FAM78A: variants seen among roughly 807,000 people sequenced by gnomAD.
FAM78A encodes the protein family with sequence similarity 78 member A, also known as protein FAM78A.
Under a neutral mutation model 22.6 loss-of-function variants are expected in FAM78A, and 12 were observed. The observed-to-expected ratio is 0.53, with a 90% confidence interval of 0.34 to 0.86. The LOEUF (loss-of-function observed/expected upper bound fraction) is 0.86, where lower values mean the gene tolerates loss of function less well. FAM78A is among the 40% of genes least tolerant of loss of function. The probability of loss-of-function intolerance (pLI) is 0.02; values close to 1 mark genes in which losing one functional copy is unlikely to be tolerated. For missense variants in FAM78A, 322 were observed against 396.1 expected, an observed-to-expected ratio of 0.81 and a Z score of 1.59; for synonymous variants, 151 against 155.8, an observed-to-expected ratio of 0.97 and a Z score of 0.23.
rs1835223656 is a variant in FAM78A, at chr9:131,258,936, C to CA, written c.*1885_*1886insT. The CA allele has an allele frequency of 6.6e-6, 1 of 152,582 alleles. No homozygotes were observed. The highest frequency in any genetic ancestry group is 1.5e-5 in the Non-Finnish European group (1 of 68,070). The allele number at this position is 152,582 out of a possible 1,614,324, so 9.5% of individuals were successfully genotyped here. ...AGCCCAGTGTGTCCCAGGACAGCCT[C>CA]CTGGCACGAGCTGGGCCCGGAGACC... On this transcript the variant is annotated 3_prime_UTR_variant, in exon 2 of 2. Coordinates refer to ENST00000372271, the MANE Select transcript of FAM78A (RefSeq NM_033387.4).
chr9:131,258,575 C>T lies in FAM78A; in HGVS notation c.*2247G>A, dbSNP rs1835219017. The T allele has an allele frequency of 1.3e-5, 2 of 152,154 alleles. No individual in the cohort carries two copies. The highest frequency in any genetic ancestry group is 4.1e-4 in the South Asian group (2 of 4,832). The allele number at this position is 152,154 out of a possible 1,614,324, so 9.4% of individuals were successfully genotyped here. A position where few individuals can be genotyped will look rare whatever the true frequency, so the allele number is the denominator to read the frequency against. On this transcript the variant is annotated 3_prime_UTR_variant, in exon 2 of 2. Transcript: ENST00000372271. ...AAATGCGGGTTCGGGGGTCCTTCAC[C>T]CCCTAGCAGCTCAGGAAGCCCCTTT...
At chr9:131,279,548 G>T (rs946530469), upstream of FAM78A, among the ~76,000 whole-genome samples, 1 of 152,222 alleles carries the variant, frequency 6.6e-6, no homozygotes, top group Non-Finnish European at 1.5e-5. Flanking sequence ...ACAAGTTCAA[G>T]TGCTCAATGA....
At chr9:131,270,772 T>A (rs1463211445) in intron 1 of FAM78A, among the ~76,000 whole-genome samples, 1 of 152,164 alleles carries the variant, frequency 6.6e-6, no homozygotes. Flanking sequence ...CATTCCTCCA[T>A]GGCCTGTCCC....
At chr9:131,273,261 C>CG (rs1835441336) in intron 1 of FAM78A, among the ~76,000 whole-genome samples, 1 of 152,214 alleles carries the variant, frequency 6.6e-6, no homozygotes, top group Non-Finnish European at 1.5e-5. Context: ...AACGGAACCC[C>CG]GGGGGCTGCC....
rs1242606266 is a variant in FAM78A, at chr9:131,272,580, G to A, written c.323+3277C>T. On this transcript the variant is annotated intron_variant, in intron 1 of 1. Transcript: ENST00000372271. The surrounding 1 kb of genome is among the most constrained non-coding windows in gnomAD (Gnocchi z 4.1). ...GTTCCCTTTCCTTTTCATGCCACAA[G>A]GCTTAAAAACTTGGAAAATGGAAGT... 6.6e-6 allele frequency among the ~76,000 whole-genome samples: 1 copy of A among 152,200 alleles called. No homozygotes were observed. Among genetic ancestry groups the A allele is most frequent in the Non-Finnish European group, 1.5e-5 (1 of 68,032 alleles).
Position 131,275,777 on chromosome 9 carries a change from C to T in FAM78A, c.323+80G>A. The stretch of plus-strand genomic sequence containing the variant: ...TGTCTTCATGGTATCTCCACCTTCC[C>T]CCTATCCGCGGCCCCCCACCAGGCC... On this transcript the variant is annotated intron_variant, in intron 1 of 1. Coordinates refer to ENST00000372271, the MANE Select transcript of FAM78A (RefSeq NM_033387.4). The surrounding 1 kb of genome is among the most constrained non-coding windows in gnomAD (Gnocchi z 4.6). 7.0e-7 allele frequency: 1 copy of T among 1,430,886 alleles called. No homozygotes were observed. Among genetic ancestry groups the T allele is most frequent in the Non-Finnish European group, 9.4e-7 (1 of 1,063,294 alleles). 88.6% of individuals were successfully genotyped at this position (1,430,886 alleles called of 1,614,324 possible). A position where few individuals can be genotyped will look rare whatever the true frequency, so the allele number is the denominator to read the frequency against.
chr9:131,261,056 C>T lies in FAM78A; in HGVS notation c.618G>A (p.Leu206=). 1 of 1,614,150 alleles carries T rather than the reference C, an allele frequency of 6.2e-7. No individual in the cohort carries two copies. ...GCTGCATGCGCCAGTGCAGCGTCTG[C>T]AGGATGATCATGTCGTTGGTGGAGG... The part of the protein sequence containing the change: ...TNTSTNDMII[L]QTLHWRMQLS... The change falls in exon 2 of 2, where the codon CTG becomes CTA. Residue 206 remains leucine (L), a synonymous_variant. Transcript: ENST00000372271. This position sits in a 1 kb window ranked among gnomAD's most constrained non-coding sequence, Gnocchi z 7.1.
At position 131,261,188 on chromosome 9, in the gene FAM78A, A is replaced by G. The variant is rs17854585; in HGVS notation, c.486T>C (p.Phe162=). 1.2e-6 allele frequency: 2 copies of G among 1,613,506 alleles called. No individual in the cohort carries two copies. Among genetic ancestry groups the G allele is most frequent in the South Asian group, 2.2e-5 (2 of 91,068 alleles). The change falls in exon 2 of 2, where the codon TTT becomes TTC. Residue 162 remains phenylalanine (F), a synonymous_variant. Transcript: ENST00000372271. The surrounding 1 kb of genome is among the most constrained non-coding windows in gnomAD (Gnocchi z 7.1). ...SKFIISMNDN[F]YPSVTWAVPV... ...GCACGGCCCATGTGACGCTGGGGTA[A>G]AAGTTGTCATTCATGCTGATGATGA...
Position 131,258,932 on chromosome 9 carries a change from GC to G in FAM78A, c.*1889del, listed in dbSNP as rs1835223567. 6.6e-6 allele frequency: 1 copy of G among 152,532 alleles called. No individual in the cohort carries two copies. Among genetic ancestry groups the G allele is most frequent in the East Asian group, 1.9e-4 (1 of 5,200 alleles). 9.4% of individuals were successfully genotyped at this position (152,532 alleles called of 1,614,324 possible). On this transcript the variant is annotated 3_prime_UTR_variant, in exon 2 of 2. Transcript: ENST00000372271. ...CTCCAGCCCAGTGTGTCCCAGGACA[GC>G]CTCCTGGCACGAGCTGGGCCCGGAG...
Position 131,260,745 on chromosome 9 carries a change from G to T in FAM78A, c.*77C>A. 3 of 1,469,182 alleles carry T rather than the reference G, an allele frequency of 2.0e-6. No homozygotes were observed. In the South Asian group the frequency reaches 4.1e-5, roughly 20 times the overall value. 91.0% of individuals were successfully genotyped at this position (1,469,182 alleles called of 1,614,324 possible). A position where few individuals can be genotyped will look rare whatever the true frequency, so the allele number is the denominator to read the frequency against. On this transcript the variant is annotated 3_prime_UTR_variant, in exon 2 of 2. Transcript: ENST00000372271. This position sits in a 1 kb window ranked among gnomAD's most constrained non-coding sequence, Gnocchi z 5.4. ...GTAGAATGGTTGTATCTTGCTGAAT[G>T]ACTGAAGAGTGAGTCTGAGTTTTGT...
At position 131,275,938 on chromosome 9, in the gene FAM78A, G is replaced by C; in HGVS notation, c.242C>G (p.Pro81Arg). ...GCCAACTACCCAAGTCTCCTTCTTG[G>C]GGATGGGCGGCATGACCACCTGGGC... ...ASAQVVMPPI[P>R]KKETWVVGWI... The change falls in exon 1 of 2, where the codon CCC becomes CGC. Residue 81 changes from proline (P) to arginine (R), a missense_variant. By Grantham distance (103) the Pro-to-Arg change is moderately radical. Coordinates refer to ENST00000372271, the MANE Select transcript of FAM78A (RefSeq NM_033387.4). The surrounding 1 kb of genome is among the most constrained non-coding windows in gnomAD (Gnocchi z 4.6). 1 of 1,613,460 alleles carries C rather than the reference G, an allele frequency of 6.2e-7. No homozygotes were observed. The highest frequency in any genetic ancestry group is 8.5e-7 in the Non-Finnish European group (1 of 1,179,984).
At position 131,276,291 on chromosome 9, in the gene FAM78A, A is replaced by C. The variant is rs978839191; in HGVS notation, c.-112T>G. 1 of 809,234 alleles carries C rather than the reference A, an allele frequency of 1.2e-6. No individual in the cohort carries two copies. Among genetic ancestry groups the C allele is most frequent in the Admixed American group, 2.9e-5 (1 of 34,454 alleles). The allele number at this position is 809,234 out of a possible 1,614,324, so 50.1% of individuals were successfully genotyped here. A position where few individuals can be genotyped will look rare whatever the true frequency, so the allele number is the denominator to read the frequency against. The stretch of plus-strand genomic sequence containing the variant: ...CTCACTGAGTAGACTGGGGTTGCAT[A>C]TATCACTACCGCGGCCTGTTTATAA... On this transcript the variant is annotated 5_prime_UTR_variant, in exon 1 of 2. Transcript: ENST00000372271. The surrounding 1 kb of genome is among the most constrained non-coding windows in gnomAD (Gnocchi z 4.3).
Position 131,258,942 on chromosome 9 carries a change from A to ACTCACTC in FAM78A, c.*1879_*1880insGAGTGAG, listed in dbSNP as rs1835223818. ...GTGTGTCCCAGGACAGCCTCCTGGC[A>ACTCACTC]CGAGCTGGGCCCGGAGACCGACGGC... On this transcript the variant is annotated 3_prime_UTR_variant, in exon 2 of 2. Transcript: ENST00000372271. 6.6e-6 allele frequency: 1 copy of ACTCACTC among 152,514 alleles called. No individual in the cohort carries two copies. Among genetic ancestry groups the ACTCACTC allele is most frequent in the Non-Finnish European group, 1.5e-5 (1 of 68,024 alleles). 9.4% of individuals were successfully genotyped at this position (152,514 alleles called of 1,614,324 possible).
At position 131,265,943 on chromosome 9, in the gene FAM78A, C is replaced by T. The variant is rs1180748919; in HGVS notation, c.324-4593G>A. 6.6e-6 allele frequency among the ~76,000 whole-genome samples: 1 copy of T among 152,174 alleles called. No individual in the cohort carries two copies. The highest frequency in any genetic ancestry group is 2.4e-5 in the African/African-American group (1 of 41,442). On this transcript the variant is annotated intron_variant, in intron 1 of 1. Transcript: ENST00000372271. This position sits in a 1 kb window ranked among gnomAD's most constrained non-coding sequence, Gnocchi z 4.3. ...GGCTGAAGTGGCTTCCTCAGCCTCCCGCAGCGTCCCTGTCCTGAGTCCCAT... is the reference window on the plus strand; with the variant it reads ...GGCTGAAGTGGCTTCCTCAGCCTCCTGCAGCGTCCCTGTCCTGAGTCCCAT...
rs1313042856 is a variant in FAM78A at position 131,274,292 on chromosome 9, C to A, written c.323+1565G>T. Among the ~76,000 whole-genome samples the A allele has an allele frequency of 1.3e-5, 2 of 152,272 alleles. No homozygotes were observed. Among genetic ancestry groups the A allele is most frequent in the Admixed American group, 6.5e-5 (1 of 15,288 alleles). On this transcript the variant is annotated intron_variant, in intron 1 of 1. Transcript: ENST00000372271. This position sits in a 1 kb window ranked among gnomAD's most constrained non-coding sequence, Gnocchi z 4.2. ...TTCCTTACCCCTTCCAGGGAAGAAA[C>A]TAGGCTTAGCCCAAAACCCCGAGGA...
chr9:131,262,900 C>T (rs1237831922), intron 1 of FAM78A, among the ~76,000 whole-genome samples: 3 of 151,830 alleles, frequency 2.0e-5, no homozygotes, highest in East Asian at 3.9e-4. Context: ...GAAAGAGGAA[C>T]GGAAAGTTGA....
chr9:131,273,413 C>T (rs1470785268), intron 1 of FAM78A, among the ~76,000 whole-genome samples: 1 of 152,218 alleles, frequency 6.6e-6, no homozygotes, highest in Non-Finnish European at 1.5e-5. Context: ...CCAGTGCACC[C>T]AGGGAGAATG....
At position 131,273,895 on chromosome 9, in the gene FAM78A, C is replaced by T. The variant is rs184154897; in HGVS notation, c.323+1962G>A. On this transcript the variant is annotated intron_variant, in intron 1 of 1. Transcript: ENST00000372271. Reference sequence around the variant, plus strand: ...CAGATGTGTAAACTGAGGGTCAGAGCAGTAAAGGGACTTGCCTAGGGCCAC... The same window carrying T: ...CAGATGTGTAAACTGAGGGTCAGAGTAGTAAAGGGACTTGCCTAGGGCCAC... Among the ~76,000 whole-genome samples the T allele has an allele frequency of 1.7e-3, 254 of 152,352 alleles. 1 individual carries two copies. The highest frequency in any genetic ancestry group is 6.8e-3 in the Middle Eastern group (2 of 294).
intron 1 of FAM78A, chr9:131,270,148 G>A (rs2131186433): frequency 1.6e-6 from 1 of 626,670 alleles, no homozygotes; most frequent in South Asian, 1.8e-5. Context: ...GGATGTTGCA[G>A]TGAGCCAAGA....
Sources: allele counts gnomAD v4.1 joint callset (sites outside exome capture counted in the v4.1 genomes callset), GRCh38; gene constraint gnomAD v4.1.1; non-coding constraint Gnocchi (gnomAD v3.1); transcripts MANE v1.5; gene names NCBI Gene and HGNC (gene_info 2026-07-23, HGNC 2026-07-21).